Variants in RANBP2 observed in about 807,000 individuals in gnomAD.
RANBP2 encodes the protein RAN binding protein 2, also known as E3 SUMO-protein ligase RanBP2.
Under a neutral mutation model 303.6 loss-of-function variants are expected in RANBP2, and 57 were observed. The observed-to-expected ratio is 0.19, with a 90% CI of 0.15 to 0.23. The LOEUF is 0.23. Among genes scored for constraint, RANBP2 ranks in the 10% least tolerant of loss-of-function variants. The pLI, the probability that RANBP2 is intolerant of heterozygous loss-of-function variation, is 1.00. For synonymous variants in RANBP2, 1,167 were observed against 1,301.5 expected (o/e 0.90, Z 2.23); for missense variants, 3,138 against 3,780.8 (o/e 0.83, Z 4.46).
At chr2:108,741,958 G>C (rs1407958733) in intron 7 of RANBP2, among the ~76,000 whole-genome samples, 1 of 151,812 alleles carries the variant, frequency 6.6e-6, no homozygotes, top group Admixed American at 6.6e-5. Context: ...GGAAAAAAAG[G>C]ATTCATTACT....
chr2:108,895,282 T>C, the RANBP2 span: 2 of 152,642 alleles, frequency 1.3e-5, no homozygotes, highest in Non-Finnish European at 2.9e-5. Context: ...AAAGCATTTT[T>C]TCAGTCATGC....
the RANBP2 span, among the ~76,000 whole-genome samples, chr2:109,166,967 C>G: frequency 1.3e-5 from 2 of 152,168 alleles, no homozygotes; most frequent in African/African-American, 4.8e-5. Flanking sequence ...TGTAAAAGGG[C>G]CATCCCCTTT....
chr2:109,710,028 A>G, the RANBP2 span, among the ~76,000 whole-genome samples: 1 of 151,312 alleles, frequency 6.6e-6, no homozygotes, highest in Non-Finnish European at 1.5e-5. Flanking sequence ...TGGAGGTTGC[A>G]GTAAGCTGAG....
chr2:108,916,001 C>T, the RANBP2 span, among the ~76,000 whole-genome samples: 2 of 152,150 alleles, frequency 1.3e-5, no homozygotes, highest in African/African-American at 4.8e-5. Flanking sequence ...GAGCGTTCCC[C>T]CTCACAGACC....
At chr2:109,578,498 G>A in the RANBP2 span, among the ~76,000 whole-genome samples, 1 of 151,260 alleles carries the variant, frequency 6.6e-6, no homozygotes, top group Non-Finnish European at 1.5e-5. Flanking sequence ...GGCATGGCAG[G>A]CTCATGCCTG....
At chr2:109,615,225 T>C in the RANBP2 span, 1 of 1,545,572 alleles carries the variant, frequency 6.5e-7, no homozygotes, top group Non-Finnish European at 8.7e-7. Context: ...AGACAGCGCA[T>C]CGGTGGCCTC....
chr2:109,420,205 G>A, the RANBP2 span, among the ~76,000 whole-genome samples: 1 of 152,210 alleles, frequency 6.6e-6, no homozygotes, highest in Admixed American at 6.5e-5. Context: ...TAACAGATAA[G>A]TGCAATTTTA....
chr2:109,261,514 T>C, the RANBP2 span, among the ~76,000 whole-genome samples: 1 of 152,122 alleles, frequency 6.6e-6, no homozygotes, highest in African/African-American at 2.4e-5. Flanking sequence ...CCCACCTGTG[T>C]GTGCAGCAGC....
chr2:108,792,313 T>C, the RANBP2 span, among the ~76,000 whole-genome samples: 1 of 152,330 alleles, frequency 6.6e-6, no homozygotes, highest in Non-Finnish European at 1.5e-5. Flanking sequence ...CTCTTTTCCC[T>C]CTCCTTTGTT....
At chr2:109,176,831 G>A in the RANBP2 span, among the ~76,000 whole-genome samples, 1 of 152,224 alleles carries the variant, frequency 6.6e-6, no homozygotes, top group Non-Finnish European at 1.5e-5. Context: ...ATGTGACACG[G>A]CATTGTTGAA....
the RANBP2 span, among the ~76,000 whole-genome samples, chr2:109,658,780 A>C: frequency 6.6e-6 from 1 of 151,976 alleles, no homozygotes. Context: ...AAGAAACAAA[A>C]AATTGGCCAG....
At chr2:109,686,166 G>A in the RANBP2 span, among the ~76,000 whole-genome samples, 5 of 152,066 alleles carry the variant, frequency 3.3e-5, no homozygotes, top group Non-Finnish European at 5.9e-5. Context: ...GCTGTGGGGA[G>A]CTGGGAGAAA....
chr2:109,037,294 A>G, the RANBP2 span, among the ~76,000 whole-genome samples: 1 of 148,474 alleles, frequency 6.7e-6, no homozygotes, highest in Non-Finnish European at 1.5e-5. Context: ...ACTGCACTCC[A>G]GTCTGGGTGA....
At chr2:109,400,789 C>T in the RANBP2 span, among the ~76,000 whole-genome samples, 6 of 152,300 alleles carry the variant, frequency 3.9e-5, no homozygotes, top group East Asian at 9.7e-4. Flanking sequence ...GAGCTGTAAC[C>T]GTGCAGTCAT....
the RANBP2 span, among the ~76,000 whole-genome samples, chr2:109,099,381 G>T: frequency 6.6e-6 from 1 of 152,130 alleles, no homozygotes; most frequent in African/African-American, 2.4e-5. Flanking sequence ...ACTTCGGGTC[G>T]GTGGTCTCTT....
chr2:108,778,887 C>T (rs1678053282), intron 25 of RANBP2, among the ~76,000 whole-genome samples: 1 of 152,076 alleles, frequency 6.6e-6, no homozygotes, highest in African/African-American at 2.4e-5. Flanking sequence ...TACCACCATG[C>T]CTAGCTAATT....
chr2:109,574,791 A>C, the RANBP2 span: 1 of 1,515,174 alleles, frequency 6.6e-7, no homozygotes, highest in Non-Finnish European at 8.9e-7. Context: ...TAAATGTTTA[A>C]TACAACATTA....
At chr2:109,585,795 C>T in the RANBP2 span, 10 of 1,613,874 alleles carry the variant, frequency 6.2e-6, no homozygotes, top group Non-Finnish European at 7.6e-6. Flanking sequence ...ACTCTCAAAA[C>T]CAACATGGCC....
chr2:109,553,088 T>C, the RANBP2 span: 1 of 1,611,340 alleles, frequency 6.2e-7, no homozygotes, highest in Non-Finnish European at 8.5e-7. Flanking sequence ...CATACTTGCC[T>C]CTCTCTCAGC....
Sources: allele counts gnomAD v4.1 joint callset (sites outside exome capture counted in the v4.1 genomes callset), GRCh38; gene constraint gnomAD v4.1.1; transcripts MANE v1.5; gene names NCBI Gene and HGNC (gene_info 2026-07-23, HGNC 2026-07-21).